The following AHCYL2 variants were observed in gnomAD, a reference collection of about 807,000 sequenced individuals.
AHCYL2 encodes the protein S-adenosylhomocysteine hydrolase-like protein 2.
In AHCYL2, 28 loss-of-function variants were observed where a neutral mutation model predicts 81.4. That is an observed-to-expected ratio of 0.34 (90% CI 0.25 to 0.47). AHCYL2 has a LOEUF of 0.47. Ranked by LOEUF, AHCYL2 falls within the 20% of genes least tolerant of loss-of-function variation. The pLI is 1.00. For synonymous variants in AHCYL2, 272 were observed against 290.2 expected (o/e 0.94, Z 0.64); for missense variants, 551 against 785.1 (o/e 0.70, Z 3.56).
chr7:129,353,643 A>C (rs1477998912), intron 1 of AHCYL2, among the ~76,000 whole-genome samples: 1 of 148,968 alleles, frequency 6.7e-6, no homozygotes, highest in Non-Finnish European at 1.5e-5. Flanking sequence ...TGCCTATAGG[A>C]ATATCATACA....
chr7:129,291,531 G>A (rs1279050418), intron 1 of AHCYL2, among the ~76,000 whole-genome samples: 1 of 81,734 alleles, frequency 1.2e-5, no homozygotes, highest in Non-Finnish European at 2.7e-5. Context: ...TTTTTTTTTT[G>A]CAGGATGGGG....
At chr7:129,372,912 T>C (rs1794480470) in intron 1 of AHCYL2, among the ~76,000 whole-genome samples, 1 of 152,140 alleles carries the variant, frequency 6.6e-6, no homozygotes, top group Non-Finnish European at 1.5e-5. Flanking sequence ...CCTCCATGGT[T>C]ATAGCCATGA....
chr7:129,400,431 G>A lies in AHCYL2; in HGVS notation c.918+47G>A, dbSNP rs769176172. 3 of 1,567,334 alleles carry A rather than the reference G, an allele frequency of 1.9e-6. No homozygotes were observed. In the South Asian group the frequency reaches 3.4e-5, roughly 18 times the overall value. On this transcript the variant is annotated intron_variant, in intron 6 of 16. Transcript: ENST00000325006. The stretch of plus-strand genomic sequence containing the variant: ...ACAATTCTGTAGGGGTCAGGAATGG[G>A]GATGGGTGGAGGTTATGGCCTAGGA...
chr7:129,268,875 T>G (rs1378447860), intron 1 of AHCYL2, among the ~76,000 whole-genome samples: 1 of 152,218 alleles, frequency 6.6e-6, no homozygotes, highest in African/African-American at 2.4e-5. Context: ...TACAATTCAG[T>G]GAGTGATTTT....
At chr7:129,291,532 C>A (rs1320321669) in intron 1 of AHCYL2, among the ~76,000 whole-genome samples, 2 of 124,936 alleles carry the variant, frequency 1.6e-5, no homozygotes, top group Non-Finnish European at 3.5e-5. Context: ...TTTTTTTTTG[C>A]AGGATGGGGT....
At chr7:129,414,367 T>C (rs1045132701) in intron 12 of AHCYL2, among the ~76,000 whole-genome samples, 1 of 151,822 alleles carries the variant, frequency 6.6e-6, no homozygotes, top group Admixed American at 6.6e-5. Flanking sequence ...CAATCCAAAA[T>C]AGCACTTGGT....
At chr7:129,381,286 C>T (rs1794943263) in intron 2 of AHCYL2, among the ~76,000 whole-genome samples, 1 of 152,042 alleles carries the variant, frequency 6.6e-6, no homozygotes, top group Non-Finnish European at 1.5e-5. Context: ...GCAGAGGAAA[C>T]CAATACCTGC....
chr7:129,274,329 G>A (rs1796122685), intron 1 of AHCYL2, among the ~76,000 whole-genome samples: 1 of 152,212 alleles, frequency 6.6e-6, no homozygotes, highest in South Asian at 2.1e-4. Flanking sequence ...CTGCATCTGA[G>A]GAGCCTCAAC....
In AHCYL2 at chr7:129,389,701, C is replaced by T. The variant is rs934125594; in HGVS notation, c.687C>T (p.Ile229=). 21 of 1,613,642 alleles carry T rather than the reference C, an allele frequency of 1.3e-5. No homozygotes were observed. The highest frequency in any genetic ancestry group is 5.0e-5 in the Admixed American group (3 of 59,948). ...QGEKPLAGAK[I]VGCTHITAQT... The stretch of plus-strand genomic sequence containing the variant: ...AAAAGCCTTTGGCTGGAGCCAAAAT[C>T]GTGGGTTGCACACACATCACTGCTC... The change falls in exon 4 of 17, where the codon ATC becomes ATT. Residue 229 remains isoleucine, a synonymous_variant. Coordinates refer to ENST00000325006, the MANE Select transcript of AHCYL2 (RefSeq NM_015328.4).
chr7:129,339,578 G>T (rs1443291447), intron 1 of AHCYL2, among the ~76,000 whole-genome samples: 1 of 152,090 alleles, frequency 6.6e-6, no homozygotes, highest in African/African-American at 2.4e-5. Flanking sequence ...TTAGAGACAG[G>T]ATCTCTCACT....
At chr7:129,243,030 T>C (rs201356292) in intron 1 of AHCYL2, among the ~76,000 whole-genome samples, 3 of 146,984 alleles carry the variant, frequency 2.0e-5, no homozygotes, top group Non-Finnish European at 4.5e-5. Context: ...TTTTTTTTTT[T>C]TTTTTTTTGA....
intron 1 of AHCYL2, among the ~76,000 whole-genome samples, chr7:129,311,517 A>G (rs1797657499): frequency 6.6e-6 from 1 of 152,180 alleles, no homozygotes; most frequent in Non-Finnish European, 1.5e-5. Context: ...AAAACTTAGC[A>G]TGTCAAAACT....
At chr7:129,388,041 T>G (rs763672774) in intron 2 of AHCYL2, 1 of 152,166 alleles carries the variant, frequency 6.6e-6, no homozygotes, top group Non-Finnish European at 1.5e-5. Context: ...TATAAGTAGA[T>G]CAGAGCATCG....
At chr7:129,403,900 T>TATGAGGTATGAG (rs1214382845) in intron 7 of AHCYL2, among the ~76,000 whole-genome samples, 1 of 131,148 alleles carries the variant, frequency 7.6e-6, no homozygotes, top group Non-Finnish European at 1.7e-5. Flanking sequence ...AATTGGAGCC[T>TATGAGGTATGAG]GCTATGAGGT....
intron 1 of AHCYL2, among the ~76,000 whole-genome samples, chr7:129,341,140 C>G (rs966123598): frequency 6.6e-6 from 1 of 152,102 alleles, no homozygotes; most frequent in African/African-American, 2.4e-5. Context: ...ATAAGGAGAG[C>G]TCAGTGATGA....
chr7:129,380,448 T>C (rs1794904847), intron 2 of AHCYL2, among the ~76,000 whole-genome samples: 1 of 152,210 alleles, frequency 6.6e-6, no homozygotes, highest in South Asian at 2.1e-4. Context: ...AGCTGAGTGC[T>C]TGCCCTAGTT....
intron 1 of AHCYL2, among the ~76,000 whole-genome samples, chr7:129,345,371 C>G (rs1793326160): frequency 6.6e-6 from 1 of 152,176 alleles, no homozygotes; most frequent in African/African-American, 2.4e-5. Context: ...TATGTGCCTA[C>G]TAAAGAAACT....
At chr7:129,248,339 A>G (rs1795130496) in intron 1 of AHCYL2, among the ~76,000 whole-genome samples, 1 of 152,178 alleles carries the variant, frequency 6.6e-6, no homozygotes, top group Admixed American at 6.5e-5. Context: ...AGTCCCTTAT[A>G]TAAAATGGCA....
intron 1 of AHCYL2, among the ~76,000 whole-genome samples, chr7:129,353,432 A>C (rs967615524): frequency 6.6e-6 from 1 of 151,902 alleles, no homozygotes; most frequent in Non-Finnish European, 1.5e-5. Context: ...TCCTAGTTCA[A>C]ATGTTATCAC....
Sources: allele counts gnomAD v4.1 joint callset (sites outside exome capture counted in the v4.1 genomes callset), GRCh38; gene constraint gnomAD v4.1.1; transcripts MANE v1.5; gene names NCBI Gene and HGNC (gene_info 2026-07-23, HGNC 2026-07-21).